Variants in MED24 observed in about 807,000 individuals in gnomAD.
The protein encoded by MED24 is mediator of RNA polymerase II transcription subunit 24.
Under a neutral mutation model 118.8 loss-of-function variants are expected in MED24, and 74 were observed. The observed-to-expected ratio is 0.62, with a 90% CI of 0.52 to 0.76. The LOEUF (loss-of-function observed/expected upper bound fraction) is 0.76. Ranked by LOEUF, MED24 falls within the 30% of genes least tolerant of loss-of-function variation. The probability of loss-of-function intolerance (pLI) is 0.00; values close to 1 mark genes in which losing one functional copy is unlikely to be tolerated. For synonymous variants in MED24, 521 were observed against 523.9 expected (o/e 0.99, Z 0.08); for missense variants, 1,041 against 1,278.9 (o/e 0.81, Z 2.84).
At chr17:40,043,034 T>C (rs1984723250) in intron 3 of MED24, among the ~76,000 whole-genome samples, 1 of 152,252 alleles carries the variant, frequency 6.6e-6, no homozygotes. Flanking sequence ...TCACCGCAAG[T>C]GCGCCTCCGC....
intron 21 of MED24, 49 bp downstream of exon 21, chr17:40,022,596 G>A (rs369834052): frequency 2.1e-5 from 33 of 1,608,762 alleles, no homozygotes; most frequent in East Asian, 2.0e-4. Flanking sequence ...GGCGAGGGGT[G>A]CTTGACCCTG....
intron 3 of MED24, among the ~76,000 whole-genome samples, chr17:40,051,830 G>A (rs537716050): frequency 8.0e-4 from 121 of 152,138 alleles, no homozygotes; most frequent in African/African-American, 2.6e-3. Context: ...GGCTGAGGCA[G>A]GAGAATCACT....
At chr17:40,032,470 T>C (rs1156314920) in intron 9 of MED24, 179 bp downstream of exon 9, 3 of 595,670 alleles carry the variant, frequency 5.0e-6, no homozygotes, top group African/African-American at 3.7e-5. Flanking sequence ...GTCTGCCAAA[T>C]GGGCTAAATA....
In MED24 at chr17:40,026,139, G is replaced by C; in HGVS notation, c.1985+17C>G. 1 of 1,606,678 alleles carries C rather than the reference G, an allele frequency of 6.2e-7. No individual in the cohort carries two copies. The highest frequency in any genetic ancestry group is 1.7e-5 in the Admixed American group (1 of 59,776). ...AACACACTTGAAGGGTCTGAGAAGG[G>C]AAGGCAGGTTACCGACCTCTCATTG... On this transcript the variant is annotated intron_variant, in intron 19 of 25. Transcript: ENST00000394128.
Position 40,053,357 on chromosome 17 carries a change from T to C in MED24, c.154A>G (p.Ile52Val). The change falls in exon 3 of 26, where the codon ATT becomes GTT. Residue 52 changes from isoleucine (I) to valine (V), a missense_variant. Physicochemically the swap from Ile to Val is conservative, Grantham distance 29. This residue lies in a region of MED24 where 434 missense variants were observed against 514.9 expected (regional missense o/e 0.84). Coordinates refer to ENST00000394128, the MANE Select transcript of MED24 (RefSeq NM_014815.4). ...LADALLEQAM[I>V]GPSPNPLILS... ...ATGAGAGGATTGGGGGATGGTCCAA[T>C]CATGGCCTGCTCTAGTAACGCATCT... 6.2e-7 allele frequency: 1 copy of C among 1,613,380 alleles called. No homozygotes were observed. The highest frequency in any genetic ancestry group is 8.5e-7 in the Non-Finnish European group (1 of 1,179,534).
intron 3 of MED24, among the ~76,000 whole-genome samples, chr17:40,044,772 G>A (rs1335041300): frequency 1.3e-5 from 2 of 151,290 alleles, no homozygotes; most frequent in Non-Finnish European, 1.5e-5. Flanking sequence ...CCAGCTACTT[G>A]GGAGGCTGAG....
chr17:40,045,722 G>T (rs1985097575), intron 3 of MED24, among the ~76,000 whole-genome samples: 1 of 152,134 alleles, frequency 6.6e-6, no homozygotes, highest in African/African-American at 2.4e-5. Context: ...GCTGCAGTGA[G>T]CCACTATTGT....
chr17:40,027,252 T>TGG (rs59877388), intron 16 of MED24, 131 bp downstream of exon 16: 1 of 1,167,216 alleles, frequency 8.6e-7, no homozygotes, highest in Non-Finnish European at 1.2e-6. Flanking sequence ...CCAGCCCGGG[T>TGG]GGGCACCTGG....
rs371360690 is a variant in MED24 at position 40,019,507 on chromosome 17, C to T, written c.*22G>A. On this transcript the variant is annotated 3_prime_UTR_variant, in exon 26 of 26. Transcript: ENST00000394128. The stretch of plus-strand genomic sequence containing the variant: ...TGGGGCTGCGCCAGTCCCCAGCCCC[C>T]ACTGCGGCCATGCCAAGCCCCTCAG... 1 of 1,601,326 alleles carries T rather than the reference C, an allele frequency of 6.2e-7. No individual in the cohort carries two copies. Among genetic ancestry groups the T allele is most frequent in the Admixed American group, 1.7e-5 (1 of 59,746 alleles).
At chr17:40,022,281 G>C (rs1449295941) in intron 22 of MED24, 113 bp downstream of exon 22, 1 of 1,171,534 alleles carries the variant, frequency 8.5e-7, no homozygotes, top group Non-Finnish European at 1.2e-6. Flanking sequence ...CCCAGGCACA[G>C]CTGCCCCAAG....
Position 40,029,973 on chromosome 17 carries a change from G to C in MED24, c.1155-114C>G. ...CGCAGAGGAGGTGGGAAGCATGTAA[G>C]AACCTCCGAGGTTGGGGTGAAGTTT... On this transcript the variant is annotated intron_variant, in intron 12 of 25. Coordinates refer to ENST00000394128, the MANE Select transcript of MED24 (RefSeq NM_014815.4). 5.9e-6 allele frequency: 5 copies of C among 847,200 alleles called. 1 individual carries two copies. In the South Asian group the frequency reaches 7.6e-5, roughly 13 times the overall value. 52.5% of individuals were successfully genotyped at this position (847,200 alleles called of 1,614,324 possible).
Position 40,022,786 on chromosome 17 carries a change from G to A in MED24, c.2291C>T (p.Ala764Val). ...KETRKEHTLR[A>V]VELLYSIFCL... ...GAAGATGGAGTAGAGCAGCTCCACTGCCCGCAGCGTGTGCTCCTTCCGCGT... is the reference window on the plus strand; with the variant it reads ...GAAGATGGAGTAGAGCAGCTCCACTACCCGCAGCGTGTGCTCCTTCCGCGT... Residue 764 changes from alanine (A) to valine (V), a missense_variant, in exon 21 of 26, where the codon GCA becomes GTA. Around this residue, in one of 3 missense-constraint regions of MED24, gnomAD observed 587 missense variants for 694.4 expected, o/e 0.85. Coordinates refer to ENST00000394128, the MANE Select transcript of MED24 (RefSeq NM_014815.4). The A allele has an allele frequency of 6.2e-7, 1 of 1,613,776 alleles. No individual in the cohort carries two copies. The highest frequency in any genetic ancestry group is 8.5e-7 in the Non-Finnish European group (1 of 1,179,996).
rs1983527979 is a variant in MED24, at chr17:40,032,727, C to T, written c.858G>A (p.Trp286Ter). The change falls in exon 9 of 26, where the codon TGG becomes TGA. Residue 286 changes from tryptophan (W) to a stop codon, truncating the protein, a stop_gained. Transcript: ENST00000394128. LOFTEE classifies it high-confidence loss of function. ...CAATGAGCCCCACGAAGCAAGCTTT[C>T]CAGATCTCCAGGACAAAAAGTGGGG... ...IPTPLFVLEI[W>*]KACFVGLIES... is the part of the protein sequence containing the mutation. The T allele has an allele frequency of 5.6e-6, 9 of 1,613,742 alleles. No homozygotes were observed. The highest frequency in any genetic ancestry group is 6.8e-6 in the Non-Finnish European group (8 of 1,180,008).
intron 3 of MED24, among the ~76,000 whole-genome samples, chr17:40,052,638 G>C (rs8082130): frequency 2.6e-5 from 4 of 151,942 alleles, no homozygotes; most frequent in African/African-American, 9.7e-5. Flanking sequence ...GTGTTGTTCT[G>C]TTGCCCAGGC....
chr17:40,020,417 G>C, intron 23 of MED24, 64 bp from the exon 24 acceptor site: 1 of 1,553,102 alleles, frequency 6.4e-7, no homozygotes, highest in Non-Finnish European at 8.7e-7. Flanking sequence ...GGTGCTCCCC[G>C]GGGATGCCCC....
At position 40,053,710 on chromosome 17, in the gene MED24, T is replaced by C. The variant is rs886248120; in HGVS notation, c.-37-75A>G. Reference sequence around the variant, plus strand: ...GAGAACCGGGGAAGGCAGAATTAAATAGAAAGGAGAAGATGCGGGAAGATT... The same window carrying C: ...GAGAACCGGGGAAGGCAGAATTAAACAGAAAGGAGAAGATGCGGGAAGATT... On this transcript the variant is annotated intron_variant, in intron 1 of 25. Coordinates refer to ENST00000394128, the MANE Select transcript of MED24 (RefSeq NM_014815.4). 4.5e-6 allele frequency: 7 copies of C among 1,566,672 alleles called. No homozygotes were observed. In the African/African-American group the frequency reaches 5.4e-5, roughly 12 times the overall value.
intron 3 of MED24, among the ~76,000 whole-genome samples, chr17:40,039,261 G>C (rs146894011): frequency 2.0e-5 from 3 of 152,282 alleles, no homozygotes; most frequent in South Asian, 2.1e-4. Flanking sequence ...TCTACATGAC[G>C]AACTGTTTTA....
chr17:40,049,143 C>A (rs10445310), intron 3 of MED24, among the ~76,000 whole-genome samples: 44,346 of 151,718 alleles, frequency 0.29, 7,959 homozygotes, highest in Middle Eastern at 0.47. Flanking sequence ...GAGTTCAAGA[C>A]CAGACTGGGC....
intron 3 of MED24, among the ~76,000 whole-genome samples, chr17:40,050,391 A>G (rs1985711864): frequency 6.6e-6 from 1 of 151,448 alleles, no homozygotes; most frequent in African/African-American, 2.4e-5. Flanking sequence ...AGGTCACAGT[A>G]AGCAGAGATC....
Sources: allele counts gnomAD v4.1 joint callset (sites outside exome capture counted in the v4.1 genomes callset), GRCh38; gene constraint gnomAD v4.1.1; regional missense constraint gnomAD v4.1.1; transcripts MANE v1.5; gene names NCBI Gene and HGNC (gene_info 2026-07-23, HGNC 2026-07-21).